XPO6: variants seen among roughly 807,000 people sequenced by gnomAD.
The protein encoded by XPO6 is exportin 6, also known as exportin-6.
Under a neutral mutation model 130.0 loss-of-function variants are expected in XPO6, and 3 were observed. That is an observed-to-expected ratio of 0.02 (90% CI 0.01 to 0.06). The LOEUF is 0.06. Among genes scored for constraint, XPO6 ranks in the 10% least tolerant of loss-of-function variants. The pLI is 1.00. For synonymous variants in XPO6, 524 were observed against 548.9 expected (o/e 0.95, Z 0.63); for missense variants, 970 against 1,393.0 (o/e 0.70, Z 4.83).
At chr16:28,172,908 T>C (rs1268043340) in intron 4 of XPO6, among the ~76,000 whole-genome samples, 1 of 152,138 alleles carries the variant, frequency 6.6e-6, no homozygotes. Flanking sequence ...GCCCTCCATA[T>C]CCATGAGTTC....
chr16:28,104,569 G>T lies in XPO6; in HGVS notation c.2923C>A (p.Pro975Thr), dbSNP rs756811873. The T allele has an allele frequency of 2.5e-6, 4 of 1,614,178 alleles. No homozygotes were observed. The highest frequency in any genetic ancestry group is 3.4e-6 in the Non-Finnish European group (4 of 1,180,022). ...GIAEEQMENE[P>T]QFSAIMQAFG... ...ACCTGCATGATGGCACTGAACTGGG[G>T]CTCATTCTCCATCTGCTCCTCAGCG... The change falls in exon 21 of 24, where the codon CCC becomes ACC. Residue 975 changes from proline to threonine, a missense_variant. Pro to Thr is a conservative substitution (Grantham distance 38, BLOSUM62 -1). This residue lies in a region of XPO6 where 936 missense variants were observed against 1,306.8 expected (regional missense o/e 0.72). Coordinates refer to ENST00000304658, the MANE Select transcript of XPO6 (RefSeq NM_015171.4).
At chr16:28,115,024 C>G (rs984229863) in intron 15 of XPO6, among the ~76,000 whole-genome samples, 1 of 152,226 alleles carries the variant, frequency 6.6e-6, no homozygotes, top group South Asian at 2.1e-4. Flanking sequence ...TCTTCAGACT[C>G]CGCCTCTAGT....
intron 1 of XPO6, among the ~76,000 whole-genome samples, chr16:28,204,434 C>T (rs183228795): frequency 5.3e-5 from 8 of 151,800 alleles, no homozygotes; most frequent in Non-Finnish European, 1.2e-4. Flanking sequence ...CAAGCAGAGG[C>T]AGGGAGCCAG....
intron 13 of XPO6, among the ~76,000 whole-genome samples, chr16:28,122,737 T>G (rs1172439204): frequency 6.6e-6 from 1 of 152,128 alleles, no homozygotes; most frequent in Non-Finnish European, 1.5e-5. Flanking sequence ...TTAGCTTTTA[T>G]TTAAAATCAT....
intron 1 of XPO6, among the ~76,000 whole-genome samples, chr16:28,201,257 C>T (rs538584846): frequency 1.3e-5 from 2 of 152,296 alleles, no homozygotes; most frequent in African/African-American, 4.8e-5. Flanking sequence ...TGCATTCATA[C>T]TCTATTTCAC....
At chr16:28,151,657 G>T (rs539820375) in intron 8 of XPO6, among the ~76,000 whole-genome samples, 3 of 152,146 alleles carry the variant, frequency 2.0e-5, no homozygotes, top group Non-Finnish European at 4.4e-5. Context: ...ATGTCAATTT[G>T]GGGAAAACTC....
intron 9 of XPO6, among the ~76,000 whole-genome samples, chr16:28,138,044 A>G (rs1031393737): frequency 1.3e-5 from 2 of 152,186 alleles, no homozygotes; most frequent in African/African-American, 4.8e-5. Context: ...AACACACGCC[A>G]GCCCTAAAGT....
At chr16:28,100,349 T>C (rs2086629936) in intron 23 of XPO6, among the ~76,000 whole-genome samples, 1 of 152,228 alleles carries the variant, frequency 6.6e-6, no homozygotes, top group Non-Finnish European at 1.5e-5. Context: ...TTGATGTCGT[T>C]AGAAGCTGAT....
Position 28,211,455 on chromosome 16 carries a change from A to C in XPO6, c.-87T>G, listed in dbSNP as rs2044130797. The C allele has an allele frequency of 7.8e-7, 1 of 1,283,130 alleles. No individual in the cohort carries two copies. Among genetic ancestry groups the C allele is most frequent in the East Asian group, 2.8e-5 (1 of 35,126 alleles). The allele number at this position is 1,283,130 out of a possible 1,614,324, so 79.5% of individuals were successfully genotyped here. A position where few individuals can be genotyped will look rare whatever the true frequency, so the allele number is the denominator to read the frequency against. On this transcript the variant is annotated 5_prime_UTR_variant, in exon 1 of 24. Transcript: ENST00000304658. ...GCACAGTTCAGGTCATGGTCCCGGCAGACTCGGGAAGTCCCCCACCCATGC... is the reference window on the plus strand; with the variant it reads ...GCACAGTTCAGGTCATGGTCCCGGCCGACTCGGGAAGTCCCCCACCCATGC...
intron 14 of XPO6, among the ~76,000 whole-genome samples, chr16:28,121,346 C>A (rs2087232027): frequency 6.6e-6 from 1 of 152,214 alleles, no homozygotes; most frequent in Admixed American, 6.5e-5. Context: ...AGTCCCAACA[C>A]ACCTATCCAG....
At chr16:28,120,843 C>T (rs1163002527) in intron 14 of XPO6, among the ~76,000 whole-genome samples, 2 of 152,170 alleles carry the variant, frequency 1.3e-5, no homozygotes, top group Non-Finnish European at 2.9e-5. Context: ...GCAGGGCATA[C>T]ATACACACTG....
chr16:28,128,608 G>C (rs2141278390), intron 12 of XPO6, among the ~76,000 whole-genome samples: 1 of 152,286 alleles, frequency 6.6e-6, no homozygotes, highest in South Asian at 2.1e-4. Flanking sequence ...GTTTCCATTT[G>C]AGTATGGTCC....
At chr16:28,205,272 G>A (rs1320834012) in intron 1 of XPO6, among the ~76,000 whole-genome samples, 2 of 152,066 alleles carry the variant, frequency 1.3e-5, no homozygotes, top group Non-Finnish European at 1.5e-5. Flanking sequence ...AAAGTCCTAC[G>A]CACCCAACAA....
chr16:28,189,119 T>C, intron 1 of XPO6, among the ~76,000 whole-genome samples: 1 of 151,986 alleles, frequency 6.6e-6, no homozygotes, highest in East Asian at 1.9e-4. Flanking sequence ...CTGATTTTTG[T>C]ATTTTTTGTA....
At chr16:28,114,050 T>C (rs971771016) in intron 15 of XPO6, among the ~76,000 whole-genome samples, 2 of 152,104 alleles carry the variant, frequency 1.3e-5, no homozygotes, top group African/African-American at 4.8e-5. Flanking sequence ...GAGGATAACA[T>C]AATAGAATCT....
intron 8 of XPO6, among the ~76,000 whole-genome samples, chr16:28,152,087 TGTACAC>T: frequency 6.6e-6 from 1 of 152,130 alleles, no homozygotes; most frequent in East Asian, 1.9e-4. Context: ...TGTGTGTGTG[TGTACAC>T]ACACATACTA....
chr16:28,129,338 T>C (rs1001261555), intron 12 of XPO6, among the ~76,000 whole-genome samples: 2 of 152,228 alleles, frequency 1.3e-5, no homozygotes, highest in African/African-American at 4.8e-5. Context: ...CTTGAGGGGA[T>C]AGGCCAGTGT....
intron 5 of XPO6, among the ~76,000 whole-genome samples, chr16:28,168,139 TAA>T (rs1351871590): frequency 6.6e-6 from 1 of 152,150 alleles, no homozygotes; most frequent in Non-Finnish European, 1.5e-5. Context: ...CACAGAGGTA[TAA>T]AACATGGTCC....
intron 5 of XPO6, chr16:28,167,403 G>C: frequency 1.0e-6 from 1 of 984,332 alleles, no homozygotes; most frequent in Non-Finnish European, 1.2e-6. Context: ...CCAGGCTTCA[G>C]CTCACCCGAC....
Sources: allele counts gnomAD v4.1 joint callset (sites outside exome capture counted in the v4.1 genomes callset), GRCh38; gene constraint gnomAD v4.1.1; regional missense constraint gnomAD v4.1.1; transcripts MANE v1.5; gene names NCBI Gene and HGNC (gene_info 2026-07-23, HGNC 2026-07-21).